The following ITSN1 variants were observed in gnomAD, a reference collection of about 807,000 sequenced individuals.
ITSN1 encodes intersectin-1.
ITSN1 carries 58 observed loss-of-function variants against 239.8 expected under a neutral mutation model. The ratio of observed to expected loss-of-function variants is 0.24; its 90% CI spans 0.20 to 0.30. The LOEUF is 0.30. Ranked by LOEUF, ITSN1 falls within the 10% of genes least tolerant of loss-of-function variation. The pLI is 1.00. For missense variants in ITSN1, 1,558 were observed against 2,103.3 expected (o/e 0.74, Z 5.07); for synonymous variants, 780 against 770.8 (o/e 1.01, Z -0.20).
At chr21:33,884,153 T>C (rs1172126982) in intron 36 of ITSN1, among the ~76,000 whole-genome samples, 1 of 152,146 alleles carries the variant, frequency 6.6e-6, no homozygotes, top group Admixed American at 6.5e-5. Flanking sequence ...CCACCCGCCT[T>C]GGCCTCCCAG....
chr21:33,768,058 A>T (rs2068846332), intron 11 of ITSN1, among the ~76,000 whole-genome samples: 1 of 152,216 alleles, frequency 6.6e-6, no homozygotes, highest in Admixed American at 6.5e-5. Context: ...TCTAACTTGT[A>T]ACTTGAAATC....
At chr21:33,834,162 T>A in intron 27 of ITSN1, 145 bp from the exon 28 acceptor site, 1 of 616,302 alleles carries the variant, frequency 1.6e-6, no homozygotes, top group Non-Finnish European at 2.9e-6. Context: ...TTTACTTTTG[T>A]GACATAGTAA....
At chr21:33,818,624 A>G (rs1037153143) in intron 23 of ITSN1, 152 bp downstream of exon 23, 2 of 671,564 alleles carry the variant, frequency 3.0e-6, no homozygotes, top group African/African-American at 3.6e-5. Context: ...TAGAGTACCA[A>G]AAGGGAGCCT....
In ITSN1 at chr21:33,811,129, C is replaced by G; in HGVS notation, c.2474C>G (p.Pro825Arg). Residue 825 changes from proline (P) to arginine (R), a missense_variant, in exon 21 of 40, where the codon CCC becomes CGC. Physicochemically the swap from Pro to Arg is moderately radical, Grantham distance 103. Coordinates refer to ENST00000381318, the MANE Select transcript of ITSN1 (RefSeq NM_003024.3). Reference protein sequence around the residue: ...PVTDSTSAPAPKLALRETPAP... With the variant: ...PVTDSTSAPARKLALRETPAP... ...ACTGATTCAACATCTGCCCCTGCCCCCAAACTGGCCTTGCGTGAGACCCCC... is the reference window on the plus strand; with the variant it reads ...ACTGATTCAACATCTGCCCCTGCCCGCAAACTGGCCTTGCGTGAGACCCCC... 1 of 1,614,060 alleles carries G rather than the reference C, an allele frequency of 6.2e-7. No individual in the cohort carries two copies. The highest frequency in any genetic ancestry group is 8.5e-7 in the Non-Finnish European group (1 of 1,180,024).
intron 21 of ITSN1, among the ~76,000 whole-genome samples, chr21:33,813,354 T>A (rs1243207128): frequency 6.7e-6 from 1 of 149,920 alleles, no homozygotes; most frequent in African/African-American, 2.4e-5. Flanking sequence ...CCAGCTAACT[T>A]TTTTTTTTTT....
intron 1 of ITSN1, among the ~76,000 whole-genome samples, chr21:33,694,146 T>G (rs2091687089): frequency 6.6e-6 from 1 of 152,212 alleles, no homozygotes; most frequent in Non-Finnish European, 1.5e-5. Context: ...CCCAAGTAGC[T>G]GGAACTACAG....
intron 22 of ITSN1, among the ~76,000 whole-genome samples, chr21:33,814,898 C>T (rs904024322): frequency 2.0e-5 from 3 of 151,884 alleles, no homozygotes; most frequent in East Asian, 1.9e-4. Context: ...GAGGCGAGCA[C>T]GTGGGAGAGA....
intron 21 of ITSN1, among the ~76,000 whole-genome samples, chr21:33,811,936 AATC>A (rs2072945637): frequency 6.6e-6 from 1 of 152,232 alleles, no homozygotes; most frequent in African/African-American, 2.4e-5. Flanking sequence ...TTTCAAGTCT[AATC>A]ATCTTTCAGA....
At chr21:33,735,954 C>T (rs1043902040) in intron 5 of ITSN1, among the ~76,000 whole-genome samples, 8 of 152,172 alleles carry the variant, frequency 5.3e-5, no homozygotes, top group African/African-American at 1.9e-4. Context: ...CAAAATTGTG[C>T]CACTGTACTC....
chr21:33,752,912 T>C (rs1408668795), intron 7 of ITSN1, among the ~76,000 whole-genome samples: 1 of 152,142 alleles, frequency 6.6e-6, no homozygotes, highest in Non-Finnish European at 1.5e-5. Flanking sequence ...ATTTTCCCAC[T>C]TTCAAGAGAA....
chr21:33,721,115 G>A, intron 2 of ITSN1, 63 bp from the exon 3 acceptor site: 1 of 1,022,866 alleles, frequency 9.8e-7, no homozygotes, highest in Non-Finnish European at 1.6e-6. Flanking sequence ...GAAATAGTGT[G>A]TGAGAGCATT....
At chr21:33,645,868 A>G (rs2087895665) in intron 1 of ITSN1, among the ~76,000 whole-genome samples, 1 of 152,214 alleles carries the variant, frequency 6.6e-6, no homozygotes, top group Non-Finnish European at 1.5e-5. Context: ...TTTTTCAAGT[A>G]GCAGATTAAG....
At chr21:33,867,604 C>T (rs900665238) in intron 33 of ITSN1, among the ~76,000 whole-genome samples, 1 of 150,432 alleles carries the variant, frequency 6.6e-6, no homozygotes, top group Admixed American at 6.6e-5. Context: ...AGTTCAAGCC[C>T]AGCCTGGGCA....
At chr21:33,694,546 C>T (rs746502937) in intron 1 of ITSN1, among the ~76,000 whole-genome samples, 48 of 152,124 alleles carry the variant, frequency 3.2e-4, no homozygotes, top group Non-Finnish European at 5.6e-4. Flanking sequence ...TCTGGCCAGG[C>T]GCTGTGGCTC....
rs2006836 is a variant in ITSN1 at position 33,893,539 on chromosome 21, G to A, written c.*5239G>A. ...TGGGAGGCGGAGGTTGCAGTGAGCC[G>A]AGATCACGCCACTGCACTCCAGCCT... On this transcript the variant is annotated 3_prime_UTR_variant, in exon 40 of 40. Coordinates refer to ENST00000381318, the MANE Select transcript of ITSN1 (RefSeq NM_003024.3). 46,431 of 152,150 alleles carry A rather than the reference G, an allele frequency of 0.31. 7,087 individuals are homozygous for A. The highest frequency in any genetic ancestry group is 0.33 in the African/African-American group (13,742 of 41,442). 9.4% of individuals were successfully genotyped at this position (152,150 alleles called of 1,614,324 possible). A position where few individuals can be genotyped will look rare whatever the true frequency, so the allele number is the denominator to read the frequency against.
chr21:33,819,312 T>A lies in ITSN1; in HGVS notation c.3005T>A (p.Val1002Asp). ...RVASPAAKPV[V>D]SGEEFIAMYT... ...GCCTCTCCAGCAGCCAAGCCGGTCG[T>A]TTCGGGAGAAGGTGAGGGCCTGAGT... Residue 1002 changes from valine (V) to aspartate (D), a missense_variant, in exon 24 of 40, where the codon GTT becomes GAT. This residue lies in a region of ITSN1 where 982 missense variants were observed against 1,209.9 expected (regional missense o/e 0.81). Transcript: ENST00000381318. 2 of 1,613,974 alleles carry A rather than the reference T, an allele frequency of 1.2e-6. No individual in the cohort carries two copies. The highest frequency in any genetic ancestry group is 1.7e-6 in the Non-Finnish European group (2 of 1,179,838).
chr21:33,898,554 A>G lies in ITSN1; in HGVS notation c.*10254A>G, dbSNP rs1430630889. ...AAACTCAATGTCTAAACCCCTGAGA[A>G]AGGCATTCAGAAATGATTTCAGGAG... On this transcript the variant is annotated 3_prime_UTR_variant, in exon 40 of 40. Coordinates refer to ENST00000381318, the MANE Select transcript of ITSN1 (RefSeq NM_003024.3). 1 of 152,222 alleles carries G rather than the reference A, an allele frequency of 6.6e-6. No homozygotes were observed. Among genetic ancestry groups the G allele is most frequent in the African/African-American group, 2.4e-5 (1 of 41,458 alleles). The allele number at this position is 152,222 out of a possible 1,614,324, so 9.4% of individuals were successfully genotyped here. A position where few individuals can be genotyped will look rare whatever the true frequency, so the allele number is the denominator to read the frequency against.
intron 29 of ITSN1, among the ~76,000 whole-genome samples, chr21:33,840,439 C>T (rs1312113307): frequency 6.6e-6 from 1 of 152,130 alleles, no homozygotes; most frequent in African/African-American, 2.4e-5. Flanking sequence ...TCTCGGCTCA[C>T]TGCAACCTCC....
intron 1 of ITSN1, among the ~76,000 whole-genome samples, chr21:33,716,771 G>T (rs2065167440): frequency 6.6e-6 from 1 of 151,380 alleles, no homozygotes; most frequent in South Asian, 2.1e-4. Context: ...GGCCAACATG[G>T]TGAAACTCCA....
Sources: gnomAD v4.1 joint callset for allele counts (sites outside exome capture counted in the v4.1 genomes callset) on GRCh38, gnomAD v4.1.1 for gene constraint, gnomAD v4.1.1 regional missense constraint, MANE v1.5 for transcripts, NCBI Gene and HGNC (gene_info 2026-07-23, HGNC 2026-07-21) for gene names.